The following PTPRN2 variants were observed in gnomAD, a reference collection of about 807,000 sequenced individuals.
PTPRN2 encodes protein tyrosine phosphatase receptor type N2.
A neutral mutation model predicts 118.8 loss-of-function variants in PTPRN2; 74 were observed. The observed-to-expected ratio is 0.62, with a 90% CI of 0.52 to 0.76. PTPRN2 has a LOEUF of 0.76. Among genes scored for constraint, PTPRN2 ranks in the 30% least tolerant of loss-of-function variants. The pLI is 0.00. For synonymous variants in PTPRN2, 641 were observed against 608.0 expected, an observed-to-expected ratio of 1.05 and a Z score of -0.80; for missense variants, 1,481 against 1,394.4, an observed-to-expected ratio of 1.06 and a Z score of -0.99.
chr7:158,176,266 G>C (rs545123790), intron 5 of PTPRN2, among the ~76,000 whole-genome samples: 2 of 152,338 alleles, frequency 1.3e-5, no homozygotes, highest in South Asian at 4.1e-4. Context: ...CCACCCAGAA[G>C]ATGGAGGGAC....
intron 11 of PTPRN2, among the ~76,000 whole-genome samples, chr7:158,051,876 C>T (rs1019020544): frequency 1.7e-4 from 26 of 152,054 alleles, no homozygotes; most frequent in Admixed American, 1.7e-3. Context: ...TTGGCCAGCT[C>T]GAAACACAAA....
chr7:158,269,407 T>C (rs1798144438), intron 3 of PTPRN2, among the ~76,000 whole-genome samples: 2 of 152,198 alleles, frequency 1.3e-5, no homozygotes, highest in East Asian at 3.9e-4. Context: ...TGCCAATAAA[T>C]GTGAGCAGCT....
intron 4 of PTPRN2, among the ~76,000 whole-genome samples, chr7:158,193,080 G>A (rs1037686571): frequency 2.0e-5 from 3 of 152,254 alleles, no homozygotes; most frequent in African/African-American, 7.2e-5. Context: ...CTGTTAAACA[G>A]TGATTCACGC....
intron 1 of PTPRN2, among the ~76,000 whole-genome samples, chr7:158,512,312 G>C (rs1823237255): frequency 6.6e-6 from 1 of 152,202 alleles, no homozygotes; most frequent in Non-Finnish European, 1.5e-5. Flanking sequence ...TGCATGCAAA[G>C]TGAACAATGA....
intron 12 of PTPRN2, among the ~76,000 whole-genome samples, chr7:157,886,583 A>G (rs912047118): frequency 1.2e-4 from 18 of 152,278 alleles, no homozygotes; most frequent in African/African-American, 4.3e-4. Context: ...CCTGTGTGCC[A>G]TTCACAATTC....
At chr7:158,301,683 C>T (rs1800902314) in intron 3 of PTPRN2, among the ~76,000 whole-genome samples, 1 of 152,088 alleles carries the variant, frequency 6.6e-6, no homozygotes, top group Admixed American at 6.5e-5. Flanking sequence ...GCGTGGTGGC[C>T]CATTCCTATA....
At chr7:158,160,021 A>G (rs1822215777) in intron 6 of PTPRN2, among the ~76,000 whole-genome samples, 1 of 152,166 alleles carries the variant, frequency 6.6e-6, no homozygotes, top group Admixed American at 6.5e-5. Flanking sequence ...AATCCCCTAA[A>G]TCATAACCAC....
At chr7:158,070,327 TGGTGTGGAGGTGCCC>T (rs1213856126) in intron 11 of PTPRN2, among the ~76,000 whole-genome samples, 29 of 145,628 alleles carry the variant, frequency 2.0e-4, no homozygotes, top group South Asian at 4.5e-4. Flanking sequence ...GAGGTGCTCG[TGGTGTGGAGGTGCCC>T]GTGGTGGTGG....
chr7:158,050,528 T>G (rs1221335840), intron 11 of PTPRN2, among the ~76,000 whole-genome samples: 2 of 152,230 alleles, frequency 1.3e-5, no homozygotes, highest in African/African-American at 2.4e-5. Flanking sequence ...TCTGGTTCTC[T>G]CTGAGCTTCC....
intron 9 of PTPRN2, among the ~76,000 whole-genome samples, chr7:158,129,167 A>G (rs1320117863): frequency 6.7e-6 from 1 of 148,694 alleles, no homozygotes; most frequent in Non-Finnish European, 1.5e-5. Context: ...CACCACACAC[A>G]TACAACACAT....
At chr7:158,327,153 GCACA>G (rs1563143121) in intron 2 of PTPRN2, among the ~76,000 whole-genome samples, 8 of 131,372 alleles carry the variant, frequency 6.1e-5, no homozygotes, top group South Asian at 2.5e-4. Flanking sequence ...CCACACACGT[GCACA>G]CATTCTCACA....
At chr7:158,455,853 A>AAGATAATGGCACGGATGCCATC (rs1818430378) in intron 2 of PTPRN2, among the ~76,000 whole-genome samples, 1 of 148,730 alleles carries the variant, frequency 6.7e-6, no homozygotes, top group Non-Finnish European at 1.5e-5. Flanking sequence ...CTCTGCAGAG[A>AAGATAATGGCACGGATGCCATC]ACATAACAGC....
At position 158,509,413 on chromosome 7, in the gene PTPRN2, A is replaced by C. The variant is rs1823016875; in HGVS notation, c.113-19628T>G. On this transcript the variant is annotated intron_variant, in intron 1 of 22. Transcript: ENST00000389418. This position sits in a 1 kb window ranked among gnomAD's most constrained non-coding sequence, Gnocchi z 4.4. ...AGGCAGCACATCTAAAGGCCTCTCC[A>C]AGCCATGCACCCACCCTGCAGGAAA... Among the ~76,000 whole-genome samples, 1 of 152,194 alleles carries C rather than the reference A, an allele frequency of 6.6e-6. No homozygotes were observed. The highest frequency in any genetic ancestry group is 2.4e-5 in the African/African-American group (1 of 41,448).
chr7:158,312,256 GCACT>G (rs1563119915), intron 3 of PTPRN2, among the ~76,000 whole-genome samples: 3 of 103,820 alleles, frequency 2.9e-5, no homozygotes, highest in Non-Finnish European at 4.9e-5. Flanking sequence ...ACCTGCACAC[GCACT>G]CACGTGCTCA....
intron 2 of PTPRN2, among the ~76,000 whole-genome samples, chr7:158,441,597 A>AGTGATGGTGATGGCAGTGGTGGTGGTG (rs1817243402): frequency 7.7e-6 from 1 of 129,276 alleles, no homozygotes; most frequent in Non-Finnish European, 1.7e-5. Context: ...TGGTGGTGAT[A>AGTGATGGTGATGGCAGTGGTGGTGGTG]GTGATGGTGA....
chr7:157,908,488 A>T (rs1180814710), intron 11 of PTPRN2, among the ~76,000 whole-genome samples: 4 of 152,246 alleles, frequency 2.6e-5, no homozygotes, highest in African/African-American at 9.6e-5. Context: ...CGTTCCTGGC[A>T]GTGCCAGGTG....
chr7:157,795,532 G>A (rs1344986180), intron 12 of PTPRN2, among the ~76,000 whole-genome samples: 1 of 152,218 alleles, frequency 6.6e-6, no homozygotes, highest in Non-Finnish European at 1.5e-5. Context: ...TTTACAAGTC[G>A]CATGAGAAAG....
intron 2 of PTPRN2, among the ~76,000 whole-genome samples, chr7:158,412,693 C>CT (rs1220641186): frequency 1.2e-4 from 14 of 119,704 alleles, no homozygotes; most frequent in Non-Finnish European, 1.6e-4. Context: ...CAGGGCCCAT[C>CT]CAGCACCCTC....
In PTPRN2 at chr7:157,750,706, C is replaced by T. The variant is rs191790747; in HGVS notation, c.1789-67769G>A. ...GAGGCTTTCAGTTGTCCTCTCCCTC[C>T]GGCTCCAGTGTCGAGTACCCAGTGA... On this transcript the variant is annotated intron_variant, in intron 12 of 22. Coordinates refer to ENST00000389418, the MANE Select transcript of PTPRN2 (RefSeq NM_002847.5). Among the ~76,000 whole-genome samples the T allele has an allele frequency of 4.2e-4, 64 of 152,370 alleles. No individual in the cohort carries two copies. The Middle Eastern group carries it at 0.017, about 40-fold the overall frequency.
Sources: gnomAD v4.1 joint callset for allele counts (sites outside exome capture counted in the v4.1 genomes callset) on GRCh38, gnomAD v4.1.1 for gene constraint, Gnocchi (gnomAD v3.1) non-coding constraint, MANE v1.5 for transcripts, NCBI Gene and HGNC (gene_info 2026-07-23, HGNC 2026-07-21) for gene names.